FOXN3: variants seen among roughly 807,000 people sequenced by gnomAD.
FOXN3 encodes forkhead box N3.
In FOXN3, 7 loss-of-function variants were observed where a neutral mutation model predicts 38.4. That is an observed-to-expected ratio of 0.18 (90% CI 0.10 to 0.34). The LOEUF (loss-of-function observed/expected upper bound fraction) is 0.34, where lower values mean the gene tolerates loss of function less well. Ranked by LOEUF, FOXN3 falls within the 10% of genes least tolerant of loss-of-function variation. The pLI is 1.00. For synonymous variants in FOXN3, 230 were observed against 242.2 expected (o/e 0.95, Z 0.47); for missense variants, 456 against 613.4 (o/e 0.74, Z 2.71).
intron 1 of FOXN3, among the ~76,000 whole-genome samples, chr14:89,607,490 T>A (rs1896297181): frequency 6.8e-6 from 1 of 147,044 alleles, no homozygotes; most frequent in African/African-American, 2.5e-5. Flanking sequence ...ACTCGGGAGA[T>A]GGGGGTTGCA....
At chr14:89,481,088 C>T (rs1315084393) in intron 1 of FOXN3, among the ~76,000 whole-genome samples, 3 of 142,752 alleles carry the variant, frequency 2.1e-5, no homozygotes, top group East Asian at 2.0e-4. Flanking sequence ...TGTGGTTAAG[C>T]TTTTTTTTTT....
chr14:89,490,458 A>G (rs928659660), intron 1 of FOXN3, among the ~76,000 whole-genome samples: 1 of 152,222 alleles, frequency 6.6e-6, no homozygotes, highest in Non-Finnish European at 1.5e-5. Flanking sequence ...AGACAGGAGC[A>G]TGTGGAGGTA....
At chr14:89,587,817 G>A (rs1334934216) in intron 1 of FOXN3, among the ~76,000 whole-genome samples, 1 of 131,678 alleles carries the variant, frequency 7.6e-6, no homozygotes, top group Non-Finnish European at 1.5e-5. Flanking sequence ...AGTGAGCTGA[G>A]ACCACACCAC....
chr14:89,374,978 G>GAAA (rs71460268), intron 2 of FOXN3, among the ~76,000 whole-genome samples: 2 of 87,490 alleles, frequency 2.3e-5, no homozygotes, highest in Non-Finnish European at 5.1e-5. Context: ...CTCCGTCTCA[G>GAAA]AAAAAAAAAA....
intron 3 of FOXN3, chr14:89,350,433 G>A: frequency 2.8e-6 from 1 of 357,924 alleles, no homozygotes; most frequent in Non-Finnish European, 5.0e-6. Flanking sequence ...TACCCAGGAA[G>A]ACATGATTTC....
At chr14:89,288,712 CTCTCTCTCTCTCTATATATA>C (rs1886743954) in intron 3 of FOXN3, among the ~76,000 whole-genome samples, 7 of 69,144 alleles carry the variant, frequency 1.0e-4, no homozygotes, top group Admixed American at 1.8e-4. Flanking sequence ...CTCTCTCTCT[CTCTCTCTCTCTCTATATATA>C]TATATATATA....
At chr14:89,429,894 G>C (rs1365458899) in intron 1 of FOXN3, among the ~76,000 whole-genome samples, 1 of 152,202 alleles carries the variant, frequency 6.6e-6, no homozygotes, top group East Asian at 1.9e-4. Flanking sequence ...GCCTTCCAAA[G>C]TGGAACAAGT....
chr14:89,191,737 C>T (rs1208148371), intron 4 of FOXN3, among the ~76,000 whole-genome samples: 2 of 146,342 alleles, frequency 1.4e-5, no homozygotes, highest in African/African-American at 2.5e-5. Context: ...TGCTGGTTCC[C>T]GAAAACAGGG....
At chr14:89,486,885 A>T (rs1446147496) in intron 1 of FOXN3, among the ~76,000 whole-genome samples, 1 of 152,188 alleles carries the variant, frequency 6.6e-6, no homozygotes, top group Non-Finnish European at 1.5e-5. Flanking sequence ...GGGGCATAAG[A>T]AGATCCAGAA....
At chr14:89,190,680 T>C (rs1229044760) in intron 4 of FOXN3, among the ~76,000 whole-genome samples, 1 of 152,240 alleles carries the variant, frequency 6.6e-6, no homozygotes, top group Non-Finnish European at 1.5e-5. Flanking sequence ...CACACAAGCA[T>C]GGTTTCTTCT....
chr14:89,287,210 G>A (rs1886656014), intron 3 of FOXN3, among the ~76,000 whole-genome samples: 1 of 152,162 alleles, frequency 6.6e-6, no homozygotes, highest in African/African-American at 2.4e-5. Context: ...CTGGAGTGCA[G>A]TGGTGTGATC....
intron 4 of FOXN3, among the ~76,000 whole-genome samples, chr14:89,224,763 C>T (rs1884579035): frequency 6.6e-6 from 1 of 152,252 alleles, no homozygotes; most frequent in African/African-American, 2.4e-5. Flanking sequence ...TATTTGGAGG[C>T]CAAGACAGGA....
At chr14:89,397,624 C>G (rs926664824) in intron 2 of FOXN3, among the ~76,000 whole-genome samples, 4 of 151,986 alleles carry the variant, frequency 2.6e-5, no homozygotes, top group Non-Finnish European at 5.9e-5. Context: ...ACCCCCCAGT[C>G]TAGCTCAGCC....
At chr14:89,616,312 G>A (rs915825872) in intron 1 of FOXN3, among the ~76,000 whole-genome samples, 2 of 151,954 alleles carry the variant, frequency 1.3e-5, no homozygotes, top group Non-Finnish European at 2.9e-5. Flanking sequence ...TACTGGGAAC[G>A]TCTCAATTAT....
chr14:89,468,241 G>T (rs1013320074), intron 1 of FOXN3, among the ~76,000 whole-genome samples: 1 of 151,864 alleles, frequency 6.6e-6, no homozygotes, highest in African/African-American at 2.4e-5. Context: ...ATCACCTGAC[G>T]TCAAGAGTTC....
intron 5 of FOXN3, among the ~76,000 whole-genome samples, chr14:89,168,092 T>TAA (rs143237438): frequency 6.6e-6 from 1 of 151,784 alleles, no homozygotes; most frequent in Non-Finnish European, 1.5e-5. Flanking sequence ...GGGTTCATAA[T>TAA]AAAAAAACAA....
chr14:89,602,829 C>T (rs1290825931), intron 1 of FOXN3, among the ~76,000 whole-genome samples: 2 of 152,180 alleles, frequency 1.3e-5, no homozygotes, highest in Non-Finnish European at 2.9e-5. Context: ...ACAACATTCA[C>T]ACCTCAAGGA....
At chr14:89,165,178 A>T (rs565638223) in intron 5 of FOXN3, among the ~76,000 whole-genome samples, 1 of 151,818 alleles carries the variant, frequency 6.6e-6, no homozygotes, top group South Asian at 2.1e-4. Flanking sequence ...GATACACACC[A>T]CCTCCCCTAA....
chr14:89,543,093 A>G (rs1894822981), intron 1 of FOXN3, among the ~76,000 whole-genome samples: 1 of 152,220 alleles, frequency 6.6e-6, no homozygotes, highest in Non-Finnish European at 1.5e-5. Flanking sequence ...GTGCTTTTCA[A>G]TCAGAGCTGG....
Sources: gnomAD v4.1 joint callset for allele counts (sites outside exome capture counted in the v4.1 genomes callset) on GRCh38, gnomAD v4.1.1 for gene constraint, MANE v1.5 for transcripts, NCBI Gene and HGNC (gene_info 2026-07-23, HGNC 2026-07-21) for gene names.